THOC1: variants seen among roughly 807,000 people sequenced by gnomAD.
THOC1 encodes THO complex 1.
THOC1 carries 29 observed loss-of-function variants against 97.3 expected under a neutral mutation model. The observed-to-expected ratio is 0.30, with a 90% CI of 0.22 to 0.41. The LOEUF (loss-of-function observed/expected upper bound fraction) is 0.41. THOC1 is among the 10% of genes least tolerant of loss of function. The probability of loss-of-function intolerance (pLI) is 1.00; values close to 1 mark genes in which losing one functional copy is unlikely to be tolerated. For synonymous variants in THOC1, 255 were observed against 257.0 expected, an observed-to-expected ratio of 0.99 and a Z score of 0.07; for missense variants, 529 against 761.9, an observed-to-expected ratio of 0.69 and a Z score of 3.60.
chr18:253,875 G>C (rs757838965), intron 8 of THOC1, among the ~76,000 whole-genome samples: 9 of 145,892 alleles, frequency 6.2e-5, no homozygotes, highest in African/African-American at 1.8e-4. Context: ...TTAAATTTTT[G>C]ATGACTTGTA....
At chr18:265,085 G>A (rs1912720548) in intron 3 of THOC1, 1 of 502,962 alleles carries the variant, frequency 2.0e-6, no homozygotes, top group African/African-American at 2.0e-5. Flanking sequence ...CTCACTTGGA[G>A]AGGGCTCTTG....
intron 17 of THOC1, among the ~76,000 whole-genome samples, chr18:221,428 T>C (rs968439111): frequency 2.0e-5 from 3 of 152,156 alleles, no homozygotes; most frequent in African/African-American, 7.2e-5. Context: ...TTTTTTCCTT[T>C]TATCTTTATG....
chr18:259,706 T>C lies in THOC1; in HGVS notation c.400A>G (p.Asn134Asp). ...KSNTFYSAGK[N>D]YLLRMCNDLL... ...CCATTGCACATACGTAGTAAGTAATTTTTCCCAGCAGAATAGAATGTATTC... is the reference window on the plus strand; with the variant it reads ...CCATTGCACATACGTAGTAAGTAATCTTTCCCAGCAGAATAGAATGTATTC... Residue 134 changes from asparagine to aspartate, a missense_variant, in exon 6 of 21, where the codon AAT becomes GAT. Coordinates refer to ENST00000261600, the MANE Select transcript of THOC1 (RefSeq NM_005131.3). The C allele has an allele frequency of 6.4e-7, 1 of 1,552,268 alleles. No individual in the cohort carries two copies. Among genetic ancestry groups the C allele is most frequent in the Non-Finnish European group, 8.7e-7 (1 of 1,147,658 alleles).
chr18:217,329 T>C (rs149854509), intron 18 of THOC1, among the ~76,000 whole-genome samples: 22 of 152,336 alleles, frequency 1.4e-4, no homozygotes, highest in African/African-American at 5.3e-4. Context: ...GCCTAAACAG[T>C]TAAGAGCCTT....
chr18:257,091 A>C (rs1187207072), intron 7 of THOC1, among the ~76,000 whole-genome samples: 1 of 152,230 alleles, frequency 6.6e-6, no homozygotes, highest in African/African-American at 2.4e-5. Context: ...TAGTGTAAAC[A>C]TAACTTTTAT....
intron 11 of THOC1, among the ~76,000 whole-genome samples, chr18:238,543 G>A (rs772296097): frequency 6.6e-6 from 1 of 152,176 alleles, no homozygotes; most frequent in Non-Finnish European, 1.5e-5. Context: ...CCTGGGCTAC[G>A]AACCTGTAGA....
chr18:216,318 T>C lies in THOC1; in HGVS notation c.1602+168A>G. 4.1e-6 allele frequency: 3 copies of C among 736,608 alleles called. No homozygotes were observed. In the Admixed American group the frequency reaches 7.4e-5, roughly 18 times the overall value. The allele number at this position is 736,608 out of a possible 1,614,324, so 45.6% of individuals were successfully genotyped here. Reference sequence around the variant, plus strand: ...AGTTACTTCTTTATCAACTCATGTATTTCCTGTAAATGTATATTCCAATGT... The same window carrying C: ...AGTTACTTCTTTATCAACTCATGTACTTCCTGTAAATGTATATTCCAATGT... On this transcript the variant is annotated intron_variant, in intron 19 of 20. Transcript: ENST00000261600.
At chr18:228,574 C>G (rs1266630031) in intron 11 of THOC1, among the ~76,000 whole-genome samples, 1 of 152,070 alleles carries the variant, frequency 6.6e-6, no homozygotes, top group Non-Finnish European at 1.5e-5. Flanking sequence ...GGTGGTGGGC[C>G]AGATTTGGCC....
Position 216,584 on chromosome 18 carries a change from G to T in THOC1, c.1504C>A (p.Arg502=), listed in dbSNP as rs762624783. 4 of 1,613,796 alleles carry T rather than the reference G, an allele frequency of 2.5e-6. No homozygotes were observed. Among genetic ancestry groups the T allele is most frequent in the Non-Finnish European group, 3.4e-6 (4 of 1,179,882 alleles). ...GGCTGGAAGAAGTGAGGGCTTCTCC[G>T]TGCTAATAGTCTCAGGGCTCTCCAA... ...YGWRALRLLA[R]RSPHFFQPTN... The change falls in exon 19 of 21, where the codon CGG becomes AGG. Residue 502 remains arginine (R), a synonymous_variant. Transcript: ENST00000261600.
At chr18:221,335 C>T (rs1441198849) in intron 17 of THOC1, among the ~76,000 whole-genome samples, 1 of 151,824 alleles carries the variant, frequency 6.6e-6, no homozygotes, top group Admixed American at 6.6e-5. Context: ...AAAACTGACC[C>T]TGGGTCAACT....
chr18:220,304 CAAGTAT>C (rs1911033399), intron 17 of THOC1, among the ~76,000 whole-genome samples: 1 of 152,122 alleles, frequency 6.6e-6, no homozygotes, highest in Non-Finnish European at 1.5e-5. Context: ...CACATATATG[CAAGTAT>C]ATGTACAGAT....
chr18:256,058 A>T (rs951576621), intron 7 of THOC1, among the ~76,000 whole-genome samples: 2 of 152,250 alleles, frequency 1.3e-5, no homozygotes, highest in African/African-American at 4.8e-5. Context: ...GTCACCCAAC[A>T]GCTCTGATGG....
At chr18:227,208 G>A (rs774227932) in intron 11 of THOC1, among the ~76,000 whole-genome samples, 2 of 152,098 alleles carry the variant, frequency 1.3e-5, no homozygotes, top group Non-Finnish European at 2.9e-5. Flanking sequence ...TGGGCATGGT[G>A]GCACAAAGCC....
At chr18:264,325 G>T (rs937223508) in intron 3 of THOC1, among the ~76,000 whole-genome samples, 2 of 152,142 alleles carry the variant, frequency 1.3e-5, no homozygotes, top group African/African-American at 4.8e-5. Context: ...AAATCCAATG[G>T]TCTCAAGAAA....
At chr18:259,317 T>C (rs780600961) in intron 6 of THOC1, 42 bp from the exon 7 acceptor site, 3 of 1,482,756 alleles carry the variant, frequency 2.0e-6, no homozygotes, top group African/African-American at 2.8e-5. Context: ...AAAAGATAAT[T>C]CTATGTTTAT....
chr18:264,062 C>T lies in THOC1; in HGVS notation c.220G>A (p.Ala74Thr). The T allele has an allele frequency of 6.2e-7, 1 of 1,612,412 alleles. No individual in the cohort carries two copies. Among genetic ancestry groups the T allele is most frequent in the Non-Finnish European group, 8.5e-7 (1 of 1,179,010 alleles). ...INHSSCENVL[A>T]IISLAIGGVT... ...CCCCCAATAGCAAGAGAAATAATAG[C>T]TAAAACGTTTTCACATGATGAATGA... Residue 74 changes from alanine to threonine, a missense_variant, in exon 4 of 21, where the codon GCT becomes ACT. Around this residue, in one of 8 missense-constraint regions of THOC1, gnomAD observed 114 missense variants for 97.4 expected, o/e 1.17. Coordinates refer to ENST00000261600, the MANE Select transcript of THOC1 (RefSeq NM_005131.3).
chr18:261,913 G>C (rs1430866776), intron 4 of THOC1, among the ~76,000 whole-genome samples: 3 of 152,124 alleles, frequency 2.0e-5, no homozygotes, highest in Non-Finnish European at 4.4e-5. Flanking sequence ...TTGGGTTATA[G>C]TGTGATTCCC....
In THOC1 at chr18:254,806, G is replaced by C. The variant is rs963885606; in HGVS notation, c.521-451C>G. Among the ~76,000 whole-genome samples the C allele has an allele frequency of 2.0e-5, 3 of 151,822 alleles. No individual in the cohort carries two copies. Among genetic ancestry groups the C allele is most frequent in the Middle Eastern group, 3.4e-3 (1 of 290 alleles). ...CAAACTGTGCCCATCTAAGATCTAA[G>C]ACAGTAAACTATTTTTTTTTTTTTT... is the stretch of plus-strand genomic sequence containing the variant. On this transcript the variant is annotated intron_variant, in intron 7 of 20. Coordinates refer to ENST00000261600, the MANE Select transcript of THOC1 (RefSeq NM_005131.3). The surrounding 1 kb of genome is among the most constrained non-coding windows in gnomAD (Gnocchi z 4.1).
intron 11 of THOC1, among the ~76,000 whole-genome samples, chr18:236,297 A>T (rs1262478357): frequency 6.6e-6 from 1 of 151,784 alleles, no homozygotes; most frequent in Admixed American, 6.6e-5. Context: ...CTTCTTACTG[A>T]AAATCATGGA....
Sources: allele counts gnomAD v4.1 joint callset (sites outside exome capture counted in the v4.1 genomes callset), GRCh38; gene constraint gnomAD v4.1.1; regional missense constraint gnomAD v4.1.1; non-coding constraint Gnocchi (gnomAD v3.1); transcripts MANE v1.5; gene names NCBI Gene and HGNC (gene_info 2026-07-23, HGNC 2026-07-21).